Variants in CHMP3 observed in about 807,000 individuals in gnomAD.
CHMP3 encodes charged multivesicular body protein 3, also known as 25.1 protein.
Under a neutral mutation model 27.4 loss-of-function variants are expected in CHMP3, and 8 were observed. The ratio of observed to expected loss-of-function variants is 0.29; its 90% confidence interval spans 0.17 to 0.53. CHMP3 has a LOEUF of 0.53. CHMP3 is among the 20% of genes least tolerant of loss of function. The pLI is 0.96. For synonymous variants in CHMP3, 86 were observed against 85.5 expected (o/e 1.01, Z -0.03); for missense variants, 208 against 271.5 (o/e 0.77, Z 1.64).
chr2:86,551,160 A>G (rs1676890486), intron 1 of CHMP3, among the ~76,000 whole-genome samples: 1 of 152,186 alleles, frequency 6.6e-6, no homozygotes, highest in South Asian at 2.1e-4. Context: ...GATAGAGATT[A>G]TTTGAAACTG....
At chr2:86,549,112 C>T (rs181394970) in intron 1 of CHMP3, among the ~76,000 whole-genome samples, 27,227 of 139,656 alleles carry the variant, frequency 0.19, 3,242 homozygotes, top group African/African-American at 0.35. Context: ...ACCTCCCAGA[C>T]GGGGCGGCCG....
rs554323128 is a variant in CHMP3, at chr2:86,563,019, C to T, written c.45+285G>A. The T allele has an allele frequency of 1.2e-3, 412 of 350,188 alleles. 1 individual carries two copies. Among genetic ancestry groups the T allele is most frequent in the Non-Finnish European group, 1.8e-3 (343 of 191,442 alleles). The allele number at this position is 350,188 out of a possible 1,614,324, so 21.7% of individuals were successfully genotyped here. ...CAACGCGCGCAGGGGGAAGAGGTTT[C>T]CGAGGCCAGGACGGTGTCGCTGCCT... On this transcript the variant is annotated intron_variant, in intron 1 of 5. Transcript: ENST00000263856.
chr2:86,545,847 C>T (rs377062133), intron 1 of CHMP3, among the ~76,000 whole-genome samples: 22 of 144,886 alleles, frequency 1.5e-4, no homozygotes, highest in African/African-American at 5.1e-4. Context: ...CCAGACAGGG[C>T]GGCAGGGCAG....
At chr2:86,524,970 T>C (rs1324023307) in intron 3 of CHMP3, among the ~76,000 whole-genome samples, 1 of 152,250 alleles carries the variant, frequency 6.6e-6, no homozygotes, top group Admixed American at 6.5e-5. Context: ...TTTACACAAC[T>C]ACACAAACAC....
rs189171676 is a variant in CHMP3 at position 86,544,882 on chromosome 2, C to T, written c.46-2570G>A. On this transcript the variant is annotated intron_variant, in intron 1 of 5. Coordinates refer to ENST00000263856, the MANE Select transcript of CHMP3 (RefSeq NM_016079.4). The stretch of plus-strand genomic sequence containing the variant: ...GGAGCTGTTGGGTACACTTCCCAGA[C>T]GGGGCGACCGGGCAGAGGCGCTCCT... 2.2e-3 allele frequency among the ~76,000 whole-genome samples: 333 copies of T among 152,146 alleles called. 1 individual carries two copies. The highest frequency in any genetic ancestry group is 2.3e-3 in the Admixed American group (35 of 15,266).
intron 2 of CHMP3, among the ~76,000 whole-genome samples, chr2:86,534,141 T>C (rs1041843147): frequency 6.6e-6 from 1 of 151,968 alleles, no homozygotes; most frequent in African/African-American, 2.4e-5. Context: ...GAAGAATGTG[T>C]AGTTTGTTGT....
intron 3 of CHMP3, among the ~76,000 whole-genome samples, chr2:86,516,392 T>C (rs1675307847): frequency 6.6e-6 from 1 of 152,082 alleles, no homozygotes; most frequent in Admixed American, 6.5e-5. Flanking sequence ...AAAGAGGAGA[T>C]ACGGATGGCA....
chr2:86,508,257 A>G lies in CHMP3; in HGVS notation c.409-664T>C, dbSNP rs79757255. On this transcript the variant is annotated intron_variant, in intron 4 of 5. Coordinates refer to ENST00000263856, the MANE Select transcript of CHMP3 (RefSeq NM_016079.4). ...GGCAGCCTGCAGGAGCCAGCCAGTC[A>G]GCCTCCTCTGTTCTCAAGGCAGCAT... Among the ~76,000 whole-genome samples the G allele has an allele frequency of 1.5e-4, 23 of 152,284 alleles. No individual in the cohort carries two copies. In the South Asian group the frequency reaches 4.4e-3, roughly 29 times the overall value.
chr2:86,561,252 G>C (rs1027081559), intron 1 of CHMP3, among the ~76,000 whole-genome samples: 1 of 152,130 alleles, frequency 6.6e-6, no homozygotes, highest in African/African-American at 2.4e-5. Flanking sequence ...TATGACCTTG[G>C]GCAAATTACC....
At chr2:86,551,279 AT>A (rs34719408) in intron 1 of CHMP3, among the ~76,000 whole-genome samples, 85,252 of 139,044 alleles carry the variant, frequency 0.61, 25,377 homozygotes, top group East Asian at 0.78. Context: ...ATGAACTCCA[AT>A]TTTTTTTTTT....
At chr2:86,539,063 T>C (rs1676257489) in intron 2 of CHMP3, among the ~76,000 whole-genome samples, 1 of 152,164 alleles carries the variant, frequency 6.6e-6, no homozygotes, top group Non-Finnish European at 1.5e-5. Flanking sequence ...AGAACATAAA[T>C]TCATTTTGCA....
intron 1 of CHMP3, among the ~76,000 whole-genome samples, chr2:86,544,613 T>TAAA (rs1676493730): frequency 6.6e-6 from 1 of 152,194 alleles, no homozygotes; most frequent in Admixed American, 6.5e-5. Flanking sequence ...TTAATCCATT[T>TAAA]AACCCTGAGT....
intron 1 of CHMP3, chr2:86,561,513 G>A (rs1221540828): frequency 6.6e-6 from 1 of 152,134 alleles, no homozygotes; most frequent in Non-Finnish European, 1.5e-5. Flanking sequence ...TTTGAATTCT[G>A]ACAAGATCCC....
intron 2 of CHMP3, among the ~76,000 whole-genome samples, chr2:86,539,306 G>A (rs1676268040): frequency 1.3e-5 from 2 of 152,044 alleles, no homozygotes; most frequent in African/African-American, 2.4e-5. Context: ...GCCAGGTACT[G>A]TCCTAAACAC....
intron 2 of CHMP3, among the ~76,000 whole-genome samples, chr2:86,535,168 A>C (rs1463035966): frequency 6.7e-6 from 1 of 149,204 alleles, no homozygotes; most frequent in South Asian, 2.2e-4. Flanking sequence ...AGATGGGAGG[A>C]TTGCTAGAGC....
chr2:86,511,515 A>T (rs945876003), intron 3 of CHMP3: 3 of 151,896 alleles, frequency 2.0e-5, no homozygotes. Flanking sequence ...TTAAAATGAT[A>T]AAAAAGTTAT....
chr2:86,557,772 C>G (rs896886089), intron 1 of CHMP3, among the ~76,000 whole-genome samples: 1 of 152,146 alleles, frequency 6.6e-6, no homozygotes, highest in Non-Finnish European at 1.5e-5. Context: ...TTCCGTTCCC[C>G]ATTCTGAATA....
intron 3 of CHMP3, among the ~76,000 whole-genome samples, chr2:86,521,465 A>C (rs375102702): frequency 6.6e-6 from 1 of 152,212 alleles, no homozygotes; most frequent in Admixed American, 6.5e-5. Flanking sequence ...ATCCATTTTT[A>C]AGTATATAGT....
At chr2:86,525,120 C>T (rs578164842) in intron 3 of CHMP3, among the ~76,000 whole-genome samples, 1 of 152,320 alleles carries the variant, frequency 6.6e-6, no homozygotes, top group South Asian at 2.1e-4. Flanking sequence ...TTTACTGATT[C>T]AGTCCTCCAC....
Sources: gnomAD v4.1 joint callset for allele counts (sites outside exome capture counted in the v4.1 genomes callset) on GRCh38, gnomAD v4.1.1 for gene constraint, MANE v1.5 for transcripts, NCBI Gene and HGNC (gene_info 2026-07-23, HGNC 2026-07-21) for gene names.